CACNA1E: variants seen among roughly 807,000 people sequenced by gnomAD.
CACNA1E encodes the protein calcium voltage-gated channel subunit alpha1 E.
Under a neutral mutation model 259.2 loss-of-function variants are expected in CACNA1E, and 40 were observed. The observed-to-expected ratio is 0.15, with a 90% CI of 0.12 to 0.20. CACNA1E has a LOEUF of 0.20. Among genes scored for constraint, CACNA1E ranks in the 10% least tolerant of loss-of-function variants. The pLI is 1.00. For missense variants in CACNA1E, 1,874 were observed against 3,040.1 expected (o/e 0.62, Z 9.02); for synonymous variants, 1,104 against 1,138.5 (o/e 0.97, Z 0.61).
intron 30 of CACNA1E, 64 bp from the exon 31 acceptor site, chr1:181,757,883 C>A: frequency 6.4e-7 from 1 of 1,555,368 alleles, no homozygotes. Context: ...GAGCATGGAA[C>A]AGAGCCTGCC....
intron 6 of CACNA1E, among the ~76,000 whole-genome samples, chr1:181,584,337 G>A (rs1651843705): frequency 2.0e-5 from 3 of 152,184 alleles, no homozygotes; most frequent in Admixed American, 2.0e-4. Context: ...AGCTTTGCAG[G>A]TATGCTTTCC....
chr1:181,673,665 G>T (rs561770490), intron 7 of CACNA1E, among the ~76,000 whole-genome samples: 1 of 152,126 alleles, frequency 6.6e-6, no homozygotes, highest in Admixed American at 6.5e-5. Context: ...TAGGGCCAGC[G>T]GATGGAAGCC....
At chr1:181,624,373 T>A (rs1011468644) in intron 6 of CACNA1E, among the ~76,000 whole-genome samples, 7 of 152,378 alleles carry the variant, frequency 4.6e-5, no homozygotes, top group African/African-American at 1.4e-4. Flanking sequence ...CTCTATAGCA[T>A]GTAATGCTGT....
chr1:181,344,463 A>G (rs939140863), intron 1 of CACNA1E, among the ~76,000 whole-genome samples: 3 of 152,222 alleles, frequency 2.0e-5, no homozygotes, highest in African/African-American at 7.2e-5. Context: ...CTGAGATGGC[A>G]GATGCTTTCC....
At position 181,390,896 on chromosome 1, in the gene CACNA1E, C is replaced by A. The variant is rs1381042714; in HGVS notation, c.-14-22237C>A. Among the ~76,000 whole-genome samples, 10 of 152,228 alleles carry A rather than the reference C, an allele frequency of 6.6e-5. No individual in the cohort carries two copies. The East Asian group carries it at 1.9e-3, about 29-fold the overall frequency. On this transcript the variant is annotated intron_variant, in intron 1 of 11. Transcript: ENST00000524607. ...AAATTGCTTCCTGTTGGAAAGATGCCCGAGGCTTCATGAAGGAGGAGATGA... is the reference window on the plus strand; with the variant it reads ...AAATTGCTTCCTGTTGGAAAGATGCACGAGGCTTCATGAAGGAGGAGATGA...
At chr1:181,715,663 C>T (rs1357797704) in intron 9 of CACNA1E, among the ~76,000 whole-genome samples, 1 of 152,166 alleles carries the variant, frequency 6.6e-6, no homozygotes, top group South Asian at 2.1e-4. Context: ...CATCCTACAA[C>T]CAATGCTATC....
chr1:181,592,290 G>A (rs935968217), intron 6 of CACNA1E, among the ~76,000 whole-genome samples: 4 of 152,018 alleles, frequency 2.6e-5, no homozygotes, highest in Non-Finnish European at 4.4e-5. Flanking sequence ...CTAAGTATTC[G>A]GTAAATATCC....
chr1:181,607,136 G>A lies in CACNA1E; in HGVS notation c.951+26360G>A, dbSNP rs115889911. 2.2e-3 allele frequency among the ~76,000 whole-genome samples: 339 copies of A among 152,262 alleles called. 1 individual carries two copies. The highest frequency in any genetic ancestry group is 3.6e-3 in the Non-Finnish European group (245 of 68,006). On this transcript the variant is annotated intron_variant, in intron 6 of 47. Transcript: ENST00000367573. ...GATATGGCACCCTGGATGGTCCATC[G>A]TAGAGGTTGAATAAATGAGTGAATC...
In CACNA1E at chr1:181,485,743, C is replaced by T. The variant is rs1468949477; in HGVS notation, c.266+1733C>T. Among the ~76,000 whole-genome samples, 1 of 152,222 alleles carries T rather than the reference C, an allele frequency of 6.6e-6. No individual in the cohort carries two copies. The highest frequency in any genetic ancestry group is 2.4e-5 in the African/African-American group (1 of 41,450). On this transcript the variant is annotated intron_variant, in intron 1 of 47. Coordinates refer to ENST00000367573, the MANE Select transcript of CACNA1E (RefSeq NM_001205293.3). This position sits in a 1 kb window ranked among gnomAD's most constrained non-coding sequence, Gnocchi z 4.2. ...CTACGGATTTCCCAGCTGGGCCCTC[C>T]TTTCTCACTCGGCTTCTACGGTTCT...
intron 1 of CACNA1E, among the ~76,000 whole-genome samples, chr1:181,370,157 T>C (rs1356541494): frequency 6.6e-6 from 1 of 152,202 alleles, no homozygotes; most frequent in African/African-American, 2.4e-5. Flanking sequence ...CAATGAACCC[T>C]GAAAAGCTGC....
chr1:181,632,019 A>G (rs1264354070), intron 6 of CACNA1E, among the ~76,000 whole-genome samples: 1 of 152,204 alleles, frequency 6.6e-6, no homozygotes, highest in East Asian at 1.9e-4. Flanking sequence ...AACAGCAACA[A>G]ATCTGTCTGA....
In CACNA1E at chr1:181,674,819, G is replaced by A. The variant is rs115316858; in HGVS notation, c.1055+23378G>A. ...TCTAGCAGCTCTGTGGACCAAACAA[G>A]CATTTCACCTGCAGGTGCCAGCTCA... On this transcript the variant is annotated intron_variant, in intron 7 of 47. Transcript: ENST00000367573. Among the ~76,000 whole-genome samples the A allele has an allele frequency of 6.3e-3, 963 of 152,272 alleles. 11 individuals are homozygous for A. The highest frequency in any genetic ancestry group is 0.022 in the African/African-American group (925 of 41,564).
At chr1:181,666,847 A>G (rs2102171498) in intron 7 of CACNA1E, among the ~76,000 whole-genome samples, 1 of 152,222 alleles carries the variant, frequency 6.6e-6, no homozygotes, top group South Asian at 2.1e-4. Flanking sequence ...GTGACTGGCT[A>G]GTTACTTGGC....
rs1660804142 is a variant in CACNA1E at position 181,785,817 on chromosome 1, C to G, written c.5784C>G (p.Gly1928=). The G allele has an allele frequency of 1.9e-6, 3 of 1,593,408 alleles. No individual in the cohort carries two copies. Among genetic ancestry groups the G allele is most frequent in the Non-Finnish European group, 2.6e-6 (3 of 1,168,234 alleles). The change falls in exon 43 of 48, where the codon GGC becomes GGG. Residue 1928 remains glycine, a splice_region_variant and synonymous_variant. Coordinates refer to ENST00000367573, the MANE Select transcript of CACNA1E (RefSeq NM_001205293.3). ...ACCTCCAGCAGGACCCCGTTTCAGGCCTGTGAGTAGCACCAAAACATCCCT... is the reference window on the plus strand; with the variant it reads ...ACCTCCAGCAGGACCCCGTTTCAGGGCTGTGAGTAGCACCAAAACATCCCT... ...LPYLQQDPVS[G]LSGRSGYPSM...
At position 181,494,933 on chromosome 1, in the gene CACNA1E, A is replaced by C. The variant is rs369861494; in HGVS notation, c.266+10923A>C. ...CGTTCAGCTTTTCTCAAGTATTCTG[A>C]ACTGTGCTTTAGCCTACTGACATTT... On this transcript the variant is annotated intron_variant, in intron 1 of 47. Coordinates refer to ENST00000367573, the MANE Select transcript of CACNA1E (RefSeq NM_001205293.3). Among the ~76,000 whole-genome samples the C allele has an allele frequency of 9.8e-5, 15 of 152,334 alleles. No individual in the cohort carries two copies. In the East Asian group the frequency reaches 2.7e-3, roughly 27 times the overall value.
chr1:181,510,619 T>C, intron 2 of CACNA1E, 37 bp downstream of exon 2: 1 of 1,350,130 alleles, frequency 7.4e-7, no homozygotes, highest in Non-Finnish European at 1.1e-6. Flanking sequence ...TTGCCCCTTT[T>C]GTCTTTCTTG....
intron 2 of CACNA1E, among the ~76,000 whole-genome samples, chr1:181,444,328 TAA>T (rs11370051): frequency 3.4e-5 from 5 of 146,138 alleles, no homozygotes; most frequent in African/African-American, 5.0e-5. Flanking sequence ...ACTGTGCTAT[TAA>T]AAAAAAAAAA....
At chr1:181,583,229 G>A (rs1651727438) in intron 6 of CACNA1E, among the ~76,000 whole-genome samples, 2 of 151,998 alleles carry the variant, frequency 1.3e-5, no homozygotes, top group South Asian at 2.1e-4. Flanking sequence ...ACATATATAT[G>A]TGTGTGTTTC....
At chr1:181,664,184 G>A (rs1647969581) in intron 7 of CACNA1E, among the ~76,000 whole-genome samples, 1 of 152,184 alleles carries the variant, frequency 6.6e-6, no homozygotes, top group Non-Finnish European at 1.5e-5. Context: ...TGTGATTTTA[G>A]GACTCCCAGT....
Sources: gnomAD v4.1 joint callset for allele counts (sites outside exome capture counted in the v4.1 genomes callset) on GRCh38, gnomAD v4.1.1 for gene constraint, Gnocchi (gnomAD v3.1) non-coding constraint, MANE v1.5 for transcripts, NCBI Gene and HGNC (gene_info 2026-07-23, HGNC 2026-07-21) for gene names.